Variants in STAG1 observed in about 807,000 individuals in gnomAD.
STAG1 encodes cohesin subunit SA-1.
In STAG1, 26 loss-of-function variants were observed where a neutral mutation model predicts 170.9. That is an observed-to-expected ratio of 0.15 (90% CI 0.11 to 0.21). STAG1 has a LOEUF of 0.21. Among genes scored for constraint, STAG1 ranks in the 10% least tolerant of loss-of-function variants. The probability of loss-of-function intolerance (pLI) is 1.00; values close to 1 mark genes in which losing one functional copy is unlikely to be tolerated. For missense variants in STAG1, 964 were observed against 1,509.5 expected, an observed-to-expected ratio of 0.64 and a Z score of 5.99; for synonymous variants, 514 against 497.7, an observed-to-expected ratio of 1.03 and a Z score of -0.44.
At chr3:136,626,840 C>A (rs1374545879) in intron 2 of STAG1, among the ~76,000 whole-genome samples, 1 of 152,198 alleles carries the variant, frequency 6.6e-6, no homozygotes, top group Non-Finnish European at 1.5e-5. Flanking sequence ...ACCCGATAAA[C>A]TTGTCCACAG....
At chr3:136,447,083 C>T (rs890717061) in intron 14 of STAG1, among the ~76,000 whole-genome samples, 6 of 151,532 alleles carry the variant, frequency 4.0e-5, no homozygotes, top group African/African-American at 4.8e-5. Context: ...GGATTACAGG[C>T]GTGAGCCATC....
At chr3:136,678,192 G>A (rs1231680377) in intron 1 of STAG1, among the ~76,000 whole-genome samples, 1 of 149,444 alleles carries the variant, frequency 6.7e-6, no homozygotes, top group Admixed American at 6.7e-5. Flanking sequence ...GAAAAAAATC[G>A]AGTTTATATA....
chr3:136,652,265 G>A (rs1941244244), intron 1 of STAG1, among the ~76,000 whole-genome samples: 1 of 152,176 alleles, frequency 6.6e-6, no homozygotes. Context: ...AGGAAAAAGG[G>A]CTAACGCACT....
intron 1 of STAG1, among the ~76,000 whole-genome samples, chr3:136,682,123 TATAAGAA>T (rs769726768): frequency 1.6e-4 from 24 of 151,938 alleles, no homozygotes; most frequent in Non-Finnish European, 2.8e-4. Context: ...CATGTGAAAA[TATAAGAA>T]ATCTACAGAT....
At chr3:136,612,520 AAAC>A (rs1429603126) in intron 3 of STAG1, among the ~76,000 whole-genome samples, 1 of 152,208 alleles carries the variant, frequency 6.6e-6, no homozygotes, top group African/African-American at 2.4e-5. Context: ...AGGATAAAAA[AAAC>A]AAAAAACAAG....
chr3:136,743,828 C>T (rs1398803989), intron 1 of STAG1, among the ~76,000 whole-genome samples: 1 of 152,066 alleles, frequency 6.6e-6, no homozygotes, highest in Admixed American at 6.6e-5. Context: ...GGCCAAAAAT[C>T]CTATCAAAAT....
intron 1 of STAG1, among the ~76,000 whole-genome samples, chr3:136,705,238 T>A (rs1943195096): frequency 1.3e-5 from 2 of 152,086 alleles, no homozygotes; most frequent in African/African-American, 4.8e-5. Context: ...TAGCCACACG[T>A]GGTGGCATGC....
intron 5 of STAG1, among the ~76,000 whole-genome samples, chr3:136,546,863 T>C (rs896326773): frequency 6.6e-6 from 1 of 152,192 alleles, no homozygotes; most frequent in Admixed American, 6.5e-5. Context: ...AGCAGTTTCT[T>C]ATCAGACTGC....
At chr3:136,604,622 A>C (rs754613652) in intron 3 of STAG1, 149 bp from the exon 4 acceptor site, 1 of 673,474 alleles carries the variant, frequency 1.5e-6, no homozygotes, top group South Asian at 2.4e-5. Flanking sequence ...AGAGCAAAAC[A>C]TAAGTTTATA....
intron 4 of STAG1, among the ~76,000 whole-genome samples, chr3:136,581,353 CTCAA>C (rs769481831): frequency 9.2e-5 from 14 of 152,184 alleles, no homozygotes; most frequent in Non-Finnish European, 1.5e-4. Flanking sequence ...GTAGGTTCTA[CTCAA>C]TCATTCAGCA....
chr3:136,487,050 G>A (rs76380377), intron 9 of STAG1, among the ~76,000 whole-genome samples: 12,228 of 136,538 alleles, frequency 0.09, 1,770 homozygotes, highest in African/African-American at 0.31. Context: ...AGCACAGAAC[G>A]TGCAGGTTTG....
At chr3:136,657,620 G>A (rs1016228245) in intron 1 of STAG1, among the ~76,000 whole-genome samples, 4 of 152,128 alleles carry the variant, frequency 2.6e-5, no homozygotes, top group Non-Finnish European at 4.4e-5. Flanking sequence ...CCAGGAGCTC[G>A]AGACCAGCCT....
chr3:136,571,256 A>C (rs1937257506), intron 4 of STAG1, among the ~76,000 whole-genome samples: 1 of 150,670 alleles, frequency 6.6e-6, no homozygotes, highest in East Asian at 1.9e-4. Flanking sequence ...ACTGGTGCAC[A>C]GGAACCTGCA....
At chr3:136,645,528 A>G (rs530095844) in intron 1 of STAG1, among the ~76,000 whole-genome samples, 9 of 152,216 alleles carry the variant, frequency 5.9e-5, no homozygotes, top group Non-Finnish European at 1.2e-4. Context: ...TTACTGGATG[A>G]AGTAATAAAT....
chr3:136,532,897 G>A (rs188766951), intron 6 of STAG1, among the ~76,000 whole-genome samples: 75 of 152,096 alleles, frequency 4.9e-4, no homozygotes, highest in Non-Finnish European at 3.2e-4. Context: ...TATTCAACAT[G>A]GTACTGGAAG....
intron 1 of STAG1, among the ~76,000 whole-genome samples, chr3:136,649,503 C>CAAAAAAAAAAAAAAAAAAAAAGAAAAA (rs761067087): frequency 1.4e-5 from 1 of 70,882 alleles, no homozygotes; most frequent in Non-Finnish European, 3.0e-5. Context: ...AAAACAGAAA[C>CAAAAAAAAAAAAAAAAAAAAAGAAAAA]AAAAAAAAAA....
chr3:136,490,399 CTAAT>C (rs1363891181), intron 9 of STAG1, among the ~76,000 whole-genome samples: 1 of 152,040 alleles, frequency 6.6e-6, no homozygotes, highest in Non-Finnish European at 1.5e-5. Context: ...ATTTTTGTTG[CTAAT>C]TATTAATAAG....
At position 136,521,207 on chromosome 3, in the gene STAG1, A is replaced by G; in HGVS notation, c.676+6T>C. The G allele has an allele frequency of 6.2e-7, 1 of 1,609,868 alleles. No individual in the cohort carries two copies. The highest frequency in any genetic ancestry group is 8.5e-7 in the Non-Finnish European group (1 of 1,176,610). Reference sequence around the variant, plus strand: ...ATGAAAAGGAAATAAAATGTTAATTACTTACCAGCCAGGGTACTTGTATGC... The same window carrying G: ...ATGAAAAGGAAATAAAATGTTAATTGCTTACCAGCCAGGGTACTTGTATGC... On this transcript the variant is annotated splice_donor_region_variant and intron_variant, in intron 7 of 33. Transcript: ENST00000383202.
At chr3:136,419,796 T>C (rs1274451027) in intron 20 of STAG1, among the ~76,000 whole-genome samples, 2 of 151,930 alleles carry the variant, frequency 1.3e-5, no homozygotes, top group African/African-American at 4.8e-5. Context: ...AAGAGCAAGA[T>C]TTCTAAAAGC....
Sources: gnomAD v4.1 joint callset for allele counts (sites outside exome capture counted in the v4.1 genomes callset) on GRCh38, gnomAD v4.1.1 for gene constraint, MANE v1.5 for transcripts, NCBI Gene and HGNC (gene_info 2026-07-23, HGNC 2026-07-21) for gene names.